The following SSH2 variants were observed in gnomAD, a reference collection of about 807,000 sequenced individuals.
SSH2 encodes slingshot protein phosphatase 2.
Under a neutral mutation model 135.2 loss-of-function variants are expected in SSH2, and 37 were observed. The observed-to-expected ratio is 0.27, with a 90% CI of 0.21 to 0.36. The LOEUF (loss-of-function observed/expected upper bound fraction) is 0.36. SSH2 is among the 10% of genes least tolerant of loss of function. The pLI, the probability that SSH2 is intolerant of heterozygous loss-of-function variation, is 1.00. For missense variants in SSH2, 1,408 were observed against 1,765.3 expected, an observed-to-expected ratio of 0.80 and a Z score of 3.63; for synonymous variants, 628 against 646.2, an observed-to-expected ratio of 0.97 and a Z score of 0.43.
intron 5 of SSH2, among the ~76,000 whole-genome samples, chr17:29,688,710 T>C (rs930526754): frequency 6.6e-6 from 1 of 152,164 alleles, no homozygotes; most frequent in Non-Finnish European, 1.5e-5. Context: ...AATGGAAGAA[T>C]AGCACTTAAG....
intron 3 of SSH2, among the ~76,000 whole-genome samples, chr17:29,769,513 A>G (rs1413434834): frequency 1.3e-5 from 2 of 152,174 alleles, no homozygotes; most frequent in East Asian, 3.8e-4. Context: ...ACTTGTATTC[A>G]TCACATTTTC....
chr17:29,896,519 T>C (rs1001306271), intron 1 of SSH2, among the ~76,000 whole-genome samples: 2 of 150,136 alleles, frequency 1.3e-5, no homozygotes, highest in Non-Finnish European at 3.0e-5. Context: ...CTGTAGATTT[T>C]GGTATTTTAT....
intron 3 of SSH2, among the ~76,000 whole-genome samples, chr17:29,709,199 A>C (rs187033743): frequency 9.5e-4 from 145 of 152,184 alleles, no homozygotes; most frequent in African/African-American, 3.4e-3. Flanking sequence ...AGAGATCATA[A>C]GTTACTTGCC....
At chr17:29,763,720 GA>G (rs1208159844) in intron 3 of SSH2, among the ~76,000 whole-genome samples, 1 of 152,122 alleles carries the variant, frequency 6.6e-6, no homozygotes, top group Non-Finnish European at 1.5e-5. Context: ...CAGAGATAAA[GA>G]TTTCATAAAT....
At chr17:29,675,159 C>G in intron 8 of SSH2, among the ~76,000 whole-genome samples, 1 of 152,160 alleles carries the variant, frequency 6.6e-6, no homozygotes, top group East Asian at 1.9e-4. Flanking sequence ...TATGCCCTAA[C>G]TCTAAAAATC....
At chr17:29,881,784 G>A (rs2066142783) in intron 1 of SSH2, among the ~76,000 whole-genome samples, 2 of 152,134 alleles carry the variant, frequency 1.3e-5, no homozygotes, top group African/African-American at 4.8e-5. Flanking sequence ...ACAGGTATGA[G>A]CCACCACACC....
rs557134986 is a variant in SSH2, at chr17:29,793,647, A to G, written c.188+247T>C. On this transcript the variant is annotated intron_variant, in intron 3 of 15. Coordinates refer to ENST00000540801, the MANE Select transcript of SSH2 (RefSeq NM_001282129.2). ...TTCGCTCTTACTCTTTTTTTTTTTA[A>G]AAAACGGAGGAAGGTCCTGATACGT... 1.2e-5 allele frequency: 4 copies of G among 323,094 alleles called. No individual in the cohort carries two copies. The East Asian group carries it at 1.5e-4, about 12-fold the overall frequency. 20.0% of individuals were successfully genotyped at this position (323,094 alleles called of 1,614,324 possible).
intron 3 of SSH2, among the ~76,000 whole-genome samples, chr17:29,708,390 T>A (rs937752055): frequency 6.6e-6 from 1 of 151,806 alleles, no homozygotes; most frequent in Admixed American, 6.6e-5. Flanking sequence ...GAGTTCGAGA[T>A]CAGCCTGGCC....
intron 3 of SSH2, among the ~76,000 whole-genome samples, chr17:29,787,015 C>T (rs985089764): frequency 7.2e-5 from 11 of 152,166 alleles, no homozygotes; most frequent in South Asian, 2.1e-4. Flanking sequence ...ATCTTAACTA[C>T]TTTTAAGTGT....
intron 3 of SSH2, among the ~76,000 whole-genome samples, chr17:29,751,200 G>A (rs1263066417): frequency 6.6e-6 from 1 of 152,168 alleles, no homozygotes; most frequent in African/African-American, 2.4e-5. Flanking sequence ...TGGATCACCT[G>A]AGGTCCAGAG....
intron 3 of SSH2, among the ~76,000 whole-genome samples, chr17:29,748,138 T>G (rs935750997): frequency 2.0e-5 from 3 of 152,254 alleles, no homozygotes; most frequent in African/African-American, 7.2e-5. Context: ...TCAGTTAACT[T>G]GGCTAAGCAT....
intron 3 of SSH2, among the ~76,000 whole-genome samples, chr17:29,742,498 TTTC>T (rs1407302673): frequency 2.0e-5 from 3 of 147,266 alleles, no homozygotes; most frequent in Admixed American, 6.7e-5. Flanking sequence ...TTTTTTTTTT[TTTC>T]TTTTCAATTT....
chr17:29,849,128 A>G (rs1567607372), intron 1 of SSH2, among the ~76,000 whole-genome samples, 199 bp from the exon 2 acceptor site: 1 of 152,208 alleles, frequency 6.6e-6, no homozygotes, highest in Non-Finnish European at 1.5e-5. Flanking sequence ...TGATCAACTG[A>G]AGCATTTCCT....
intron 4 of SSH2, among the ~76,000 whole-genome samples, chr17:29,696,852 T>C (rs1470614810): frequency 2.6e-5 from 4 of 151,388 alleles, no homozygotes; most frequent in Non-Finnish European, 5.9e-5. Flanking sequence ...GCCCGGCTAA[T>C]TTTTTGTATT....
chr17:29,813,818 CA>C (rs370733773), intron 2 of SSH2, among the ~76,000 whole-genome samples: 6 of 142,560 alleles, frequency 4.2e-5, no homozygotes, highest in East Asian at 4.1e-4. Flanking sequence ...GACTTCATCT[CA>C]AAAAAAAAAT....
Position 29,672,054 on chromosome 17 carries a change from G to A in SSH2, c.690C>T (p.Leu230=), listed in dbSNP as rs2037517540. The change falls in exon 9 of 16, where the codon CTC becomes CTT. Residue 230 remains leucine (L), a synonymous_variant. Transcript: ENST00000540801. Reference sequence around the variant, plus strand: ...GGCTCTCATAATAACTCACCCAAGTGAGAAATAGGCTGCCTGGGTAGTAGT... The same window carrying A: ...GGCTCTCATAATAACTCACCCAAGTAAGAAATAGGCTGCCTGGGTAGTAGT... The part of the protein sequence containing the change: ...AHNYYPGSLF[L]TWVSYYESHI... 3.7e-6 allele frequency: 6 copies of A among 1,614,156 alleles called. No homozygotes were observed. The highest frequency in any genetic ancestry group is 5.1e-6 in the Non-Finnish European group (6 of 1,180,000).
chr17:29,656,780 T>C (rs1170046394), intron 11 of SSH2, among the ~76,000 whole-genome samples: 1 of 152,222 alleles, frequency 6.6e-6, no homozygotes, highest in Non-Finnish European at 1.5e-5. Flanking sequence ...CATGACACTT[T>C]ATTCAATACT....
intron 8 of SSH2, 105 bp downstream of exon 8, chr17:29,676,715 C>A: frequency 1.1e-6 from 1 of 915,708 alleles, no homozygotes; most frequent in Non-Finnish European, 1.7e-6. Context: ...ACAAACAGAT[C>A]ATTTAGCATT....
chr17:29,782,064 T>C (rs2041853631), intron 3 of SSH2, among the ~76,000 whole-genome samples: 1 of 152,098 alleles, frequency 6.6e-6, no homozygotes, highest in Admixed American at 6.5e-5. Flanking sequence ...CAGGCTTGTC[T>C]TGAACTCCTG....
Sources: gnomAD v4.1 joint callset for allele counts (sites outside exome capture counted in the v4.1 genomes callset) on GRCh38, gnomAD v4.1.1 for gene constraint, MANE v1.5 for transcripts, NCBI Gene and HGNC (gene_info 2026-07-23, HGNC 2026-07-21) for gene names.